CEACAM19: variants seen among roughly 807,000 people sequenced by gnomAD.
CEACAM19 encodes the protein cell adhesion molecule CEACAM19.
CEACAM19 carries 37 observed loss-of-function variants against 37.6 expected under a neutral mutation model. The observed-to-expected ratio is 0.98, with a 90% CI of 0.76 to 1.29. The LOEUF is 1.29. CEACAM19 is among the 50% of genes most tolerant of loss of function. The probability of loss-of-function intolerance (pLI) is 0.00; values close to 1 mark genes in which losing one functional copy is unlikely to be tolerated. For synonymous variants in CEACAM19, 140 were observed against 149.8 expected, an observed-to-expected ratio of 0.93 and a Z score of 0.48; for missense variants, 340 against 375.6, an observed-to-expected ratio of 0.91 and a Z score of 0.78.
chr19:44,677,512 A>C (rs1973973305), intron 3 of CEACAM19: 1 of 152,100 alleles, frequency 6.6e-6, no homozygotes, highest in South Asian at 2.1e-4. Context: ...CTATTCGTGA[A>C]AAATTCCTTT....
chr19:44,682,442 C>A (rs998598687), intron 6 of CEACAM19, 125 bp from the exon 7 acceptor site: 7 of 935,318 alleles, frequency 7.5e-6, no homozygotes, highest in African/African-American at 6.6e-5. Flanking sequence ...CCCCTCTGCC[C>A]AGGGGCCTCA....
chr19:44,680,341 C>T lies in CEACAM19; in HGVS notation c.706+7C>T, dbSNP rs769103084. 5.0e-6 allele frequency: 8 copies of T among 1,609,720 alleles called. No homozygotes were observed. Among genetic ancestry groups the T allele is most frequent in the African/African-American group, 1.3e-5 (1 of 74,710 alleles). On this transcript the variant is annotated splice_region_variant and intron_variant, in intron 5 of 7. Coordinates refer to ENST00000358777, the MANE Select transcript of CEACAM19 (RefSeq NM_001127893.3). Reference sequence around the variant, plus strand: ...GGCCCTGCTCATGATGCTGGTAAGGCGGGAGCCCCAGATCTCACTACCTAG... The same window carrying T: ...GGCCCTGCTCATGATGCTGGTAAGGTGGGAGCCCCAGATCTCACTACCTAG...
chr19:44,667,452 G>C (rs551172220), upstream of CEACAM19: 1 of 147,932 alleles, frequency 6.8e-6, no homozygotes, highest in Non-Finnish European at 1.5e-5. Context: ...TTGAGGAACT[G>C]CATTTTTTAA....
At position 44,681,263 on chromosome 19, in the gene CEACAM19, T is replaced by C. The variant is rs746655198; in HGVS notation, c.743T>C (p.Val248Ala). The C allele has an allele frequency of 1.2e-6, 2 of 1,613,946 alleles. No individual in the cohort carries two copies. The highest frequency in any genetic ancestry group is 1.7e-6 in the Non-Finnish European group (2 of 1,179,998). ...NNIYEVMPSP[V>A]LLVSPISDTR... ...ATCTATGAAGTGATGCCCTCTCCAG[T>C]CCTCCTGGTGTCCCCCATCAGTGAC... is the stretch of plus-strand genomic sequence containing the variant. Residue 248 changes from valine (V) to alanine (A), a missense_variant, in exon 6 of 8, where the codon GTC (valine) becomes GCC (alanine). Transcript: ENST00000358777.
chr19:44,676,469 TC>T (rs1289024340), intron 3 of CEACAM19, 48 bp downstream of exon 3: 2 of 1,586,694 alleles, frequency 1.3e-6, no homozygotes, highest in Admixed American at 3.4e-5. Flanking sequence ...CACTGTCTTC[TC>T]AAGCCCCATG....
chr19:44,671,881 C>T lies in CEACAM19; in HGVS notation c.-51C>T, dbSNP rs1461654691. The T allele has an allele frequency of 1.3e-6, 2 of 1,525,256 alleles. No homozygotes were observed. The highest frequency in any genetic ancestry group is 1.8e-6 in the Non-Finnish European group (2 of 1,115,526). The allele number at this position is 1,525,256 out of a possible 1,614,324, so 94.5% of individuals were successfully genotyped here. ...AGACAGCCAGGGCCCACCCCTCTGGCCCCCTTAGTGTCCAGCTCGTGGCCC... is the reference window on the plus strand; with the variant it reads ...AGACAGCCAGGGCCCACCCCTCTGGTCCCCTTAGTGTCCAGCTCGTGGCCC... On this transcript the variant is annotated 5_prime_UTR_variant, in exon 1 of 8. Coordinates refer to ENST00000358777, the MANE Select transcript of CEACAM19 (RefSeq NM_001127893.3).
At chr19:44,676,625 CA>C (rs1568516284) in intron 3 of CEACAM19, among the ~76,000 whole-genome samples, 1 of 152,138 alleles carries the variant, frequency 6.6e-6, no homozygotes, top group South Asian at 2.1e-4. Context: ...ACTGACTTAC[CA>C]AAAAGAAGGA....
At chr19:44,682,229 G>A (rs1974073543) in intron 6 of CEACAM19, among the ~76,000 whole-genome samples, 1 of 152,190 alleles carries the variant, frequency 6.6e-6, no homozygotes, top group Non-Finnish European at 1.5e-5. Context: ...TGGCCTGGGT[G>A]ACAGAGCAAG....
At chr19:44,666,206 G>A (rs1043155077) in intron 1 of CEACAM19, 3 of 152,260 alleles carry the variant, frequency 2.0e-5, no homozygotes, top group African/African-American at 7.2e-5. Flanking sequence ...GAAAGAGAGA[G>A]GGAGGGAGGG....
At chr19:44,670,744 T>C (rs2123784908), upstream of CEACAM19, among the ~76,000 whole-genome samples, 1 of 140,098 alleles carries the variant, frequency 7.1e-6, no homozygotes, top group South Asian at 2.2e-4. Context: ...ACAACCAATG[T>C]TCATGAATGG....
In CEACAM19 at chr19:44,677,695, CT is replaced by C. The variant is rs551129607; in HGVS notation, c.576-1146del. On this transcript the variant is annotated intron_variant, in intron 3 of 7. Transcript: ENST00000358777. ...CCATGGATTCTGTTTTCTTCTTCTTCTTTTTTTTTTTTGAGACAGAGTCTTG... is the reference window on the plus strand; with the variant it reads ...CCATGGATTCTGTTTTCTTCTTCTTCTTTTTTTTTTTGAGACAGAGTCTTG... 7.0e-3 allele frequency: 1,004 copies of C among 143,914 alleles called. 5 individuals are homozygous for C. Among genetic ancestry groups the C allele is most frequent in the Non-Finnish European group, 9.1e-3 (600 of 65,936 alleles). 8.9% of individuals were successfully genotyped at this position (143,914 alleles called of 1,614,324 possible).
At position 44,671,870 on chromosome 19, in the gene CEACAM19, C is replaced by A; in HGVS notation, c.-62C>A. 1 of 1,475,708 alleles carries A rather than the reference C, an allele frequency of 6.8e-7. No homozygotes were observed. Among genetic ancestry groups the A allele is most frequent in the Non-Finnish European group, 9.3e-7 (1 of 1,074,602 alleles). The allele number at this position is 1,475,708 out of a possible 1,614,324, so 91.4% of individuals were successfully genotyped here. The stretch of plus-strand genomic sequence containing the variant: ...TGGCCTACTTCAGACAGCCAGGGCC[C>A]ACCCCTCTGGCCCCCTTAGTGTCCA... On this transcript the variant is annotated 5_prime_UTR_variant, in exon 1 of 8. Coordinates refer to ENST00000358777, the MANE Select transcript of CEACAM19 (RefSeq NM_001127893.3).
chr19:44,676,347 T>G lies in CEACAM19; in HGVS notation c.501T>G (p.Leu167=), dbSNP rs2122136395. Residue 167 remains leucine, a synonymous_variant, in exon 3 of 8, where the codon CTT becomes CTG. Transcript: ENST00000358777. ...TGGCGGCCACCATCATTGGATCTCT[T>G]GCTGCCGGGGCCCTTCTCATCAGCT... The part of the protein sequence containing the change: ...GILAATIIGS[L]AAGALLISCI... The G allele has an allele frequency of 6.2e-7, 1 of 1,614,094 alleles. No homozygotes were observed. Among genetic ancestry groups the G allele is most frequent in the South Asian group, 1.1e-5 (1 of 91,082 alleles).
chr19:44,678,025 C>G (rs1288750145), intron 3 of CEACAM19: 2 of 152,156 alleles, frequency 1.3e-5, no homozygotes, highest in African/African-American at 4.8e-5. Context: ...ATCACCCAGG[C>G]TGGAGTGCAG....
Position 44,678,947 on chromosome 19 carries a change from G to A in CEACAM19, c.659+11G>A, listed in dbSNP as rs1322942059. ...GACGCCCAGCACATGGTTGGTGCTT[G>A]TAAATACTTATTTAGTGAACTAACA... On this transcript the variant is annotated intron_variant, in intron 4 of 7. Transcript: ENST00000358777. The A allele has an allele frequency of 1.2e-6, 2 of 1,613,364 alleles. No individual in the cohort carries two copies. The highest frequency in any genetic ancestry group is 1.7e-5 in the Admixed American group (1 of 59,844).
Position 44,671,759 on chromosome 19 carries a change from A to G in CEACAM19, c.-173A>G. The G allele has an allele frequency of 1.8e-6, 1 of 565,560 alleles. No individual in the cohort carries two copies. Among genetic ancestry groups the G allele is most frequent in the Non-Finnish European group, 3.2e-6 (1 of 315,574 alleles). The allele number at this position is 565,560 out of a possible 1,614,324, so 35.0% of individuals were successfully genotyped here. The stretch of plus-strand genomic sequence containing the variant: ...CTCCCATCCCAGGGAGTATAGGTGG[A>G]GCCTCCAGAGCCCATGGACAGGGCA... On this transcript the variant is annotated 5_prime_UTR_variant, in exon 1 of 8. Transcript: ENST00000358777.
chr19:44,668,752 A>ATAATTAT (rs1568513256), upstream of CEACAM19, among the ~76,000 whole-genome samples: 1 of 91,762 alleles, frequency 1.1e-5, no homozygotes, highest in Non-Finnish European at 1.8e-5. Context: ...AATATAATAT[A>ATAATTAT]ATATAATATA....
upstream of CEACAM19, chr19:44,667,334 T>G (rs1450332596): frequency 6.6e-6 from 1 of 150,960 alleles, no homozygotes; most frequent in Non-Finnish European, 1.5e-5. Flanking sequence ...CAGCTCTCAC[T>G]CCCCAATAGA....
chr19:44,668,758 A>T (rs1002354731), upstream of CEACAM19, among the ~76,000 whole-genome samples: 8,134 of 88,734 alleles, frequency 0.092, 1,742 homozygotes, highest in African/African-American at 0.52. Flanking sequence ...ATATAATATA[A>T]TATATATAAT....
Sources: gnomAD v4.1 joint callset for allele counts (sites outside exome capture counted in the v4.1 genomes callset) on GRCh38, gnomAD v4.1.1 for gene constraint, MANE v1.5 for transcripts, NCBI Gene and HGNC (gene_info 2026-07-23, HGNC 2026-07-21) for gene names.